Variants in USP24 observed in about 807,000 individuals in gnomAD.
USP24 encodes the protein ubiquitin carboxyl-terminal hydrolase 24.
A neutral mutation model predicts 361.6 loss-of-function variants in USP24; 97 were observed. The ratio of observed to expected loss-of-function variants is 0.27; its 90% CI spans 0.23 to 0.32. The LOEUF (loss-of-function observed/expected upper bound fraction) is 0.32, where lower values mean the gene tolerates loss of function less well. Among genes scored for constraint, USP24 ranks in the 10% least tolerant of loss-of-function variants. The probability of loss-of-function intolerance (pLI) is 1.00; values close to 1 mark genes in which losing one functional copy is unlikely to be tolerated. For missense variants in USP24, 2,353 were observed against 3,165.6 expected (o/e 0.74, Z 6.16); for synonymous variants, 1,098 against 1,124.6 (o/e 0.98, Z 0.47).
At chr1:55,086,105 T>G (rs976814412) in intron 55 of USP24, 67 bp from the exon 56 acceptor site, 2 of 1,466,362 alleles carry the variant, frequency 1.4e-6, no homozygotes, top group Non-Finnish European at 1.9e-6. Flanking sequence ...CTTCCCATGA[T>G]AGGTCCCATC....
chr1:55,207,015 C>T (rs893882017), intron 1 of USP24, among the ~76,000 whole-genome samples: 1 of 152,018 alleles, frequency 6.6e-6, no homozygotes, highest in East Asian at 1.9e-4. Context: ...AAAAAGAATA[C>T]AAAAATTGGC....
intron 3 of USP24, among the ~76,000 whole-genome samples, chr1:55,175,219 CTTTTTTTTTT>C (rs3072970): frequency 1.5e-5 from 1 of 66,914 alleles, no homozygotes; most frequent in Admixed American, 2.2e-4. Flanking sequence ...TACTGGGTCT[CTTTTTTTTTT>C]TTTTTTTTTT....
chr1:55,165,773 T>C (rs1648769159), intron 7 of USP24, 112 bp downstream of exon 7: 2 of 851,914 alleles, frequency 2.3e-6, no homozygotes, highest in Non-Finnish European at 3.3e-6. Flanking sequence ...CCTCTAAAGA[T>C]GAACCTTTAA....
rs1432979822 is a variant in USP24 at position 55,097,222 on chromosome 1, G to A, written c.5716-50C>T. 3.2e-6 allele frequency: 5 copies of A among 1,581,894 alleles called. No homozygotes were observed. In the African/African-American group the frequency reaches 5.4e-5, roughly 17 times the overall value. Reference sequence around the variant, plus strand: ...TTAACGTTGATTACTAACATATACAGCAGTACCCAGTTAAGTGAGATCCAA... The same window carrying A: ...TTAACGTTGATTACTAACATATACAACAGTACCCAGTTAAGTGAGATCCAA... On this transcript the variant is annotated intron_variant, in intron 48 of 67. Coordinates refer to ENST00000294383, the MANE Select transcript of USP24 (RefSeq NM_015306.3).
intron 59 of USP24, 124 bp downstream of exon 59, chr1:55,081,198 A>C (rs1645141995): frequency 5.4e-6 from 5 of 923,666 alleles, no homozygotes; most frequent in Non-Finnish European, 6.5e-6. Context: ...CAAAAATTTT[A>C]AGTGCACCTC....
chr1:55,205,985 T>C (rs1644693231), intron 1 of USP24, among the ~76,000 whole-genome samples: 1 of 152,156 alleles, frequency 6.6e-6, no homozygotes, highest in African/African-American at 2.4e-5. Context: ...GCCCATTTTA[T>C]AGAGGAGAAA....
intron 63 of USP24, among the ~76,000 whole-genome samples, chr1:55,075,094 C>A (rs115219123): frequency 1.3e-5 from 2 of 152,068 alleles, no homozygotes; most frequent in African/African-American, 4.8e-5. Flanking sequence ...CAACATCCTG[C>A]GTCTCAGGTT....
At chr1:55,204,547 T>C (rs546203444) in intron 1 of USP24, among the ~76,000 whole-genome samples, 2 of 152,118 alleles carry the variant, frequency 1.3e-5, no homozygotes, top group South Asian at 2.1e-4. Context: ...CAAAAAATCC[T>C]AGAGGCACTA....
chr1:55,121,175 A>G (rs753336274), intron 37 of USP24, among the ~76,000 whole-genome samples: 2 of 152,234 alleles, frequency 1.3e-5, no homozygotes, highest in Non-Finnish European at 2.9e-5. Flanking sequence ...GATATCAGAC[A>G]CTGGTTGTAA....
intron 56 of USP24, among the ~76,000 whole-genome samples, chr1:55,084,169 C>A (rs940886494): frequency 2.6e-5 from 4 of 152,178 alleles, no homozygotes; most frequent in African/African-American, 9.7e-5. Context: ...GTCACATTTT[C>A]TCCAGAGCCA....
intron 64 of USP24, 30 bp from the exon 65 acceptor site, chr1:55,072,891 A>G: frequency 6.3e-7 from 1 of 1,575,936 alleles, no homozygotes; most frequent in Non-Finnish European, 8.6e-7. Context: ...TTATTAGCCA[A>G]ATTCTTTCTT....
At chr1:55,199,588 A>AGT (rs55710750) in intron 1 of USP24, among the ~76,000 whole-genome samples, 53 of 146,496 alleles carry the variant, frequency 3.6e-4, no homozygotes, top group African/African-American at 1.2e-3. Flanking sequence ...GTTCAGAAAA[A>AGT]GTGTGTGTGT....
intron 1 of USP24, among the ~76,000 whole-genome samples, chr1:55,179,222 T>C (rs1190494344): frequency 2.0e-5 from 3 of 152,190 alleles, no homozygotes; most frequent in Non-Finnish European, 4.4e-5. Context: ...TTCTTTTCCC[T>C]GCCTCCTAGA....
At chr1:55,166,247 AT>A (rs1396887656) in intron 6 of USP24, among the ~76,000 whole-genome samples, 1 of 151,648 alleles carries the variant, frequency 6.6e-6, no homozygotes, top group African/African-American at 2.4e-5. Flanking sequence ...TTAAAATATT[AT>A]ATATTAATAA....
chr1:55,175,811 T>A (rs1392868415), intron 3 of USP24, among the ~76,000 whole-genome samples: 1 of 152,194 alleles, frequency 6.6e-6, no homozygotes, highest in East Asian at 1.9e-4. Flanking sequence ...TCTTGTGATC[T>A]CCCATTCCCA....
At chr1:55,163,009 A>ATT (rs1449620478) in intron 7 of USP24, among the ~76,000 whole-genome samples, 5 of 152,252 alleles carry the variant, frequency 3.3e-5, no homozygotes, top group Admixed American at 2.6e-4. Context: ...CTTTGATATT[A>ATT]TTAAGCCAGC....
chr1:55,125,611 G>T, intron 33 of USP24, 52 bp downstream of exon 33: 3 of 1,576,344 alleles, frequency 1.9e-6, no homozygotes, highest in Non-Finnish European at 2.6e-6. Context: ...CATGATTTGC[G>T]AAGAAAAAGT....
At chr1:55,111,923 T>C (rs116240760) in intron 38 of USP24, among the ~76,000 whole-genome samples, 3,881 of 152,170 alleles carry the variant, frequency 0.026, 60 homozygotes, top group Non-Finnish European at 0.037. Flanking sequence ...TGCATGAGAA[T>C]AGAACAAGTG....
At chr1:55,122,020 T>C (rs937434928) in intron 36 of USP24, among the ~76,000 whole-genome samples, 25 of 152,298 alleles carry the variant, frequency 1.6e-4, no homozygotes, top group Middle Eastern at 3.4e-3. Flanking sequence ...CTACTACACA[T>C]CAGACAGTGT....
Sources: allele counts gnomAD v4.1 joint callset (sites outside exome capture counted in the v4.1 genomes callset), GRCh38; gene constraint gnomAD v4.1.1; transcripts MANE v1.5; gene names NCBI Gene and HGNC (gene_info 2026-07-23, HGNC 2026-07-21).